PCDHGB6: variants seen among roughly 807,000 people sequenced by gnomAD.
PCDHGB6 encodes protocadherin gamma-B6.
A neutral mutation model predicts 59.1 loss-of-function variants in PCDHGB6; 51 were observed. That is an observed-to-expected ratio of 0.86 (90% CI 0.69 to 1.09). PCDHGB6 has a LOEUF of 1.09. PCDHGB6 is among the 50% of genes least tolerant of loss of function. The pLI, the probability that PCDHGB6 is intolerant of heterozygous loss-of-function variation, is 0.00. For synonymous variants in PCDHGB6, 466 were observed against 495.1 expected (o/e 0.94, Z 0.78); for missense variants, 1,148 against 1,205.1 (o/e 0.95, Z 0.70).
At chr5:141,500,729 C>T (rs1434863449) in intron 2 of PCDHGB6, among the ~76,000 whole-genome samples, 2 of 152,130 alleles carry the variant, frequency 1.3e-5, no homozygotes, top group Non-Finnish European at 2.9e-5. Flanking sequence ...CCATGTCTTT[C>T]AAAATTCTTC....
At chr5:141,419,151 C>T (rs2096335413) in intron 1 of PCDHGB6, 2 of 1,613,800 alleles carry the variant, frequency 1.2e-6, no homozygotes, top group African/African-American at 2.7e-5. Context: ...GGCAAGCCTC[C>T]GTTATCCTCC....
chr5:141,433,571 C>T lies in PCDHGB6; in HGVS notation c.2418+22951C>T, dbSNP rs2097625242. ...TCTTTTCTGGCTGGGCGCGGTGGCT[C>T]ACGCCTGTAATCCCAGTACTTTGGG... On this transcript the variant is annotated intron_variant, in intron 1 of 3. Coordinates refer to ENST00000520790, the MANE Select transcript of PCDHGB6 (RefSeq NM_018926.3). 3.9e-5 allele frequency among the ~76,000 whole-genome samples: 6 copies of T among 152,228 alleles called. No homozygotes were observed. The South Asian group carries it at 1.2e-3, about 32-fold the overall frequency.
At position 141,414,131 on chromosome 5, in the gene PCDHGB6, A is replaced by G. The variant is rs977911874; in HGVS notation, c.2418+3511A>G. 1.9e-6 allele frequency: 3 copies of G among 1,594,622 alleles called. No homozygotes were observed. The highest frequency in any genetic ancestry group is 2.7e-5 in the African/African-American group (2 of 74,402). The stretch of plus-strand genomic sequence containing the variant: ...CTAGATTATGAAGAAACCGGTTTCT[A>G]TGAAATAGAAATACAAGCAGAAGAT... On this transcript the variant is annotated intron_variant, in intron 1 of 3. Transcript: ENST00000520790.
intron 1 of PCDHGB6, among the ~76,000 whole-genome samples, chr5:141,425,864 A>T (rs2096899427): frequency 6.6e-6 from 1 of 152,254 alleles, no homozygotes; most frequent in African/African-American, 2.4e-5. Flanking sequence ...TGTTCTATAG[A>T]TTCCCATCTC....
Position 141,486,971 on chromosome 5 carries a change from T to G in PCDHGB6, c.2419-7836T>G. ...AAAGGTGACTGCTGTGGACTTGGAT[T>G]CAGGTTACAATGCTTGGGTTTCCTA... On this transcript the variant is annotated intron_variant, in intron 1 of 3. Transcript: ENST00000520790. The surrounding 1 kb of genome is among the most constrained non-coding windows in gnomAD (Gnocchi z 5.0). The G allele has an allele frequency of 6.2e-7, 1 of 1,614,220 alleles. No homozygotes were observed. The highest frequency in any genetic ancestry group is 8.5e-7 in the Non-Finnish European group (1 of 1,180,042).
intron 1 of PCDHGB6, chr5:141,419,381 A>T (rs1170271990): frequency 6.2e-7 from 1 of 1,613,544 alleles, no homozygotes; most frequent in Admixed American, 1.7e-5. Flanking sequence ...CGTGTCCGTG[A>T]GCGCGCAGAG....
intron 2 of PCDHGB6, among the ~76,000 whole-genome samples, chr5:141,496,557 C>T (rs190275684): frequency 2.0e-5 from 3 of 152,258 alleles, no homozygotes; most frequent in Admixed American, 1.3e-4. Flanking sequence ...TGGGCATGCA[C>T]AGTCCTGTCA....
chr5:141,419,175 C>T (rs185228661), intron 1 of PCDHGB6: 2 of 1,613,966 alleles, frequency 1.2e-6, no homozygotes, highest in Non-Finnish European at 1.7e-6. Flanking sequence ...AAAACCATAA[C>T]CCTGCACATT....
At chr5:141,415,344 G>A in intron 1 of PCDHGB6, 15 of 1,614,238 alleles carry the variant, frequency 9.3e-6, no homozygotes, top group Non-Finnish European at 1.3e-5. Flanking sequence ...TGCGGCGCTG[G>A]CACAAGTCAC....
intron 1 of PCDHGB6, chr5:141,419,076 C>G: frequency 6.2e-7 from 1 of 1,613,956 alleles, no homozygotes; most frequent in Non-Finnish European, 8.5e-7. Context: ...AAGCTAGTAA[C>G]AGATGAGGCC....
In PCDHGB6 at chr5:141,409,279, T is replaced by C; in HGVS notation, c.1077T>C (p.Asn359=). The change falls in exon 1 of 4, where the codon AAT becomes AAC. Residue 359 remains asparagine, a synonymous_variant. Coordinates refer to ENST00000520790, the MANE Select transcript of PCDHGB6 (RefSeq NM_018926.3). ...ITSLSDQILE[N]SPPGMVVALF... is the part of the protein sequence containing the mutation. ...CTCTCTCTGATCAGATTTTGGAGAA[T>C]TCACCTCCAGGAATGGTTGTTGCCC... is the stretch of plus-strand genomic sequence containing the variant. 1 of 1,613,972 alleles carries C rather than the reference T, an allele frequency of 6.2e-7. No individual in the cohort carries two copies. Among genetic ancestry groups the C allele is most frequent in the Non-Finnish European group, 8.5e-7 (1 of 1,179,906 alleles).
rs909174523 is a variant in PCDHGB6 at position 141,474,102 on chromosome 5, A to AAAC, written c.2419-20695_2419-20693dup. 2.6e-5 allele frequency among the ~76,000 whole-genome samples: 4 copies of AAAC among 152,286 alleles called. No homozygotes were observed. In the East Asian group the frequency reaches 7.7e-4, roughly 29 times the overall value. ...AAAACCAAAAAACAAACAACAACAA[A>AAAC]AACAACAACAACGAAAATCTCAGAA... is the stretch of plus-strand genomic sequence containing the variant. On this transcript the variant is annotated intron_variant, in intron 1 of 3. Coordinates refer to ENST00000520790, the MANE Select transcript of PCDHGB6 (RefSeq NM_018926.3).
chr5:141,446,850 C>T (rs1027473189), intron 1 of PCDHGB6, among the ~76,000 whole-genome samples: 2 of 152,114 alleles, frequency 1.3e-5, no homozygotes, highest in Non-Finnish European at 2.9e-5. Flanking sequence ...GCATAATAAG[C>T]TTCCTGATAG....
chr5:141,496,980 G>T (rs186715298), intron 2 of PCDHGB6, among the ~76,000 whole-genome samples: 1 of 151,974 alleles, frequency 6.6e-6, no homozygotes, highest in Admixed American at 6.6e-5. Flanking sequence ...GAGGTCAGGG[G>T]TTTGAGACCA....
Position 141,490,800 on chromosome 5 carries a change from TACCTTTG to T in PCDHGB6, c.2419-4004_2419-3998del, listed in dbSNP as rs763340907. Reference sequence around the variant, plus strand: ...AGGATGGACGGATCTTTGCCCAGCGTACCTTTGACTATGAATTGCTGCAGATGCTGCA... The same window carrying T: ...AGGATGGACGGATCTTTGCCCAGCGTACTATGAATTGCTGCAGATGCTGCA... On this transcript the variant is annotated intron_variant, in intron 1 of 3. Transcript: ENST00000520790. The surrounding 1 kb of genome is among the most constrained non-coding windows in gnomAD (Gnocchi z 5.4). 2.5e-6 allele frequency: 4 copies of T among 1,613,968 alleles called. No homozygotes were observed. The highest frequency in any genetic ancestry group is 1.7e-6 in the Non-Finnish European group (2 of 1,179,894).
rs200757040 is a variant in PCDHGB6, at chr5:141,431,080, C to T, written c.2418+20460C>T. 3 of 1,614,044 alleles carry T rather than the reference C, an allele frequency of 1.9e-6. No homozygotes were observed. The highest frequency in any genetic ancestry group is 2.5e-6 in the Non-Finnish European group (3 of 1,180,010). ...CCATCAAGTGTCAATTAAATCTAGA[C>T]ATTCTGATGGAGGATAAAGTGAAAA... On this transcript the variant is annotated intron_variant, in intron 1 of 3. Coordinates refer to ENST00000520790, the MANE Select transcript of PCDHGB6 (RefSeq NM_018926.3). This position sits in a 1 kb window ranked among gnomAD's most constrained non-coding sequence, Gnocchi z 4.8.
intron 1 of PCDHGB6, chr5:141,412,044 A>T (rs1403784619): frequency 6.6e-6 from 1 of 152,194 alleles, no homozygotes; most frequent in East Asian, 1.9e-4. Context: ...AAAGAAGTGA[A>T]CTTCTATACC....
chr5:141,506,398 A>T (rs902405970), intron 3 of PCDHGB6, among the ~76,000 whole-genome samples: 6 of 151,394 alleles, frequency 4.0e-5, no homozygotes, highest in Admixed American at 2.6e-4. Context: ...GTGAGCAGAA[A>T]ATCGCACCAC....
Position 141,511,843 on chromosome 5 carries a change from GT to G in PCDHGB6, c.*674del, listed in dbSNP as rs1413398495. On this transcript the variant is annotated 3_prime_UTR_variant, in exon 4 of 4. Coordinates refer to ENST00000520790, the MANE Select transcript of PCDHGB6 (RefSeq NM_018926.3). ...CCAACGCCCTGGGGACCAGTCTTCT[GT>G]TTTGTTTTTCATTGTTTGACGTTTC... 1 of 156,550 alleles carries G rather than the reference GT, an allele frequency of 6.4e-6. No individual in the cohort carries two copies. The highest frequency in any genetic ancestry group is 2.4e-5 in the African/African-American group (1 of 41,452). The allele number at this position is 156,550 out of a possible 1,614,324, so 9.7% of individuals were successfully genotyped here. A position where few individuals can be genotyped will look rare whatever the true frequency, so the allele number is the denominator to read the frequency against.
Sources: gnomAD v4.1 joint callset for allele counts (sites outside exome capture counted in the v4.1 genomes callset) on GRCh38, gnomAD v4.1.1 for gene constraint, Gnocchi (gnomAD v3.1) non-coding constraint, MANE v1.5 for transcripts, NCBI Gene and HGNC (gene_info 2026-07-23, HGNC 2026-07-21) for gene names.